ASTN1: variants seen among roughly 807,000 people sequenced by gnomAD.
ASTN1 encodes astrotactin 1, also known as astrotactin-1.
Under a neutral mutation model 140.7 loss-of-function variants are expected in ASTN1, and 41 were observed. The observed-to-expected ratio is 0.29, with a 90% CI of 0.23 to 0.38. The LOEUF (loss-of-function observed/expected upper bound fraction) is 0.38. ASTN1 is among the 10% of genes least tolerant of loss of function. The pLI, the probability that ASTN1 is intolerant of heterozygous loss-of-function variation, is 1.00. For missense variants in ASTN1, 1,479 were observed against 1,678.8 expected (o/e 0.88, Z 2.08); for synonymous variants, 640 against 652.2 (o/e 0.98, Z 0.29).
chr1:176,903,315 AT>A (rs1234966739), intron 16 of ASTN1, among the ~76,000 whole-genome samples: 1 of 151,460 alleles, frequency 6.6e-6, no homozygotes, highest in East Asian at 1.9e-4. Context: ...CTTCCCATAT[AT>A]TTTTTGAGAG....
intron 8 of ASTN1, among the ~76,000 whole-genome samples, chr1:176,977,899 G>A (rs1673434742): frequency 1.3e-5 from 2 of 152,318 alleles, no homozygotes; most frequent in South Asian, 2.1e-4. Context: ...ACTGGCTGAA[G>A]GCTAATGACT....
At chr1:176,895,716 T>C (rs982135700) in intron 16 of ASTN1, among the ~76,000 whole-genome samples, 3 of 152,224 alleles carry the variant, frequency 2.0e-5, no homozygotes, top group Admixed American at 6.5e-5. Flanking sequence ...CAGAGAATAA[T>C]GGTTTGTTCT....
chr1:176,895,129 A>T (rs564818889), intron 16 of ASTN1, among the ~76,000 whole-genome samples: 4 of 152,208 alleles, frequency 2.6e-5, no homozygotes, highest in Non-Finnish European at 5.9e-5. Context: ...AAGAATACAA[A>T]CCATAACAGT....
chr1:177,093,040 G>T (rs1407094393), intron 1 of ASTN1, among the ~76,000 whole-genome samples: 1 of 152,168 alleles, frequency 6.6e-6, no homozygotes, highest in Non-Finnish European at 1.5e-5. Context: ...CACGACACTA[G>T]AATATAAGCT....
At chr1:177,014,916 G>A (rs1675470389) in intron 7 of ASTN1, 41 bp from the exon 8 acceptor site, 1 of 1,533,268 alleles carries the variant, frequency 6.5e-7, no homozygotes, top group Non-Finnish European at 9.0e-7. Flanking sequence ...AAACATGAAG[G>A]AATTGATTAA....
At chr1:177,019,164 C>T (rs1018319223) in intron 7 of ASTN1, among the ~76,000 whole-genome samples, 2 of 152,148 alleles carry the variant, frequency 1.3e-5, no homozygotes, top group African/African-American at 4.8e-5. Flanking sequence ...CCAGCTAGGT[C>T]ATTAACTAGG....
intron 8 of ASTN1, among the ~76,000 whole-genome samples, chr1:176,975,000 G>A (rs1299095637): frequency 6.6e-6 from 1 of 152,206 alleles, no homozygotes. Flanking sequence ...AGAGGGAGAA[G>A]GGCTAGCTGC....
At chr1:177,017,652 C>T (rs1007308739) in intron 7 of ASTN1, among the ~76,000 whole-genome samples, 1 of 152,178 alleles carries the variant, frequency 6.6e-6, no homozygotes, top group Non-Finnish European at 1.5e-5. Flanking sequence ...ACATAGGACT[C>T]CAACGGAGAG....
intron 1 of ASTN1, among the ~76,000 whole-genome samples, chr1:177,121,319 T>C (rs556854797): frequency 3.3e-5 from 5 of 152,202 alleles, no homozygotes; most frequent in South Asian, 4.2e-4. Flanking sequence ...ATGATCCATT[T>C]TCTGTTTGCT....
chr1:177,117,615 C>A (rs370824887), intron 1 of ASTN1, among the ~76,000 whole-genome samples: 9 of 152,150 alleles, frequency 5.9e-5, no homozygotes, highest in African/African-American at 9.7e-5. Context: ...CACTTCCCAC[C>A]CACCCCCTAA....
Position 177,042,088 on chromosome 1 carries a change from C to A in ASTN1, c.472-9239G>T, listed in dbSNP as rs190011411. ...ATATTCATCAGTATCACTATCTGAA[C>A]CAGGGAAGACCCTGAAGATCCATTT... On this transcript the variant is annotated intron_variant, in intron 2 of 22. Coordinates refer to ENST00000361833, the MANE Select transcript of ASTN1 (RefSeq NM_004319.3). Among the ~76,000 whole-genome samples the A allele has an allele frequency of 4.5e-3, 681 of 152,344 alleles. 5 individuals carry two copies. Among genetic ancestry groups the A allele is most frequent in the Middle Eastern group, 0.024 (7 of 292 alleles).
At chr1:176,942,866 A>ATATATATATATATT (rs1385017638) in intron 14 of ASTN1, among the ~76,000 whole-genome samples, 944 of 69,942 alleles carry the variant, frequency 0.013, 306 homozygotes, top group Middle Eastern at 0.028. Context: ...ATATATATAT[A>ATATATATATATATT]GATTGATGTC....
intron 20 of ASTN1, among the ~76,000 whole-genome samples, chr1:176,877,644 A>G (rs12124454): frequency 0.16 from 23,726 of 152,250 alleles, 2,486 homozygotes; most frequent in Middle Eastern, 0.25. Flanking sequence ...TCTGAACACA[A>G]CCATGGCAAT....
At chr1:176,954,001 C>A (rs769457376) in intron 11 of ASTN1, among the ~76,000 whole-genome samples, 11 of 152,100 alleles carry the variant, frequency 7.2e-5, no homozygotes, top group Non-Finnish European at 1.2e-4. Context: ...TTATATGAAA[C>A]CTCAATAGAT....
At chr1:176,940,996 T>C (rs1671691149) in intron 14 of ASTN1, among the ~76,000 whole-genome samples, 1 of 152,202 alleles carries the variant, frequency 6.6e-6, no homozygotes, top group Non-Finnish European at 1.5e-5. Flanking sequence ...TGTTTATGAA[T>C]GGAGCTCTGA....
At chr1:176,976,291 C>G (rs1460375193) in intron 8 of ASTN1, 1 of 152,202 alleles carries the variant, frequency 6.6e-6, no homozygotes, top group Non-Finnish European at 1.5e-5. Context: ...GTGACACACA[C>G]TGACAAACAC....
chr1:177,091,212 T>G (rs1334806734), intron 1 of ASTN1, among the ~76,000 whole-genome samples: 1 of 152,190 alleles, frequency 6.6e-6, no homozygotes, highest in African/African-American at 2.4e-5. Flanking sequence ...CTCAAAAAAG[T>G]GATGTTAATT....
At chr1:177,015,828 A>G (rs1675519291) in intron 7 of ASTN1, among the ~76,000 whole-genome samples, 1 of 152,198 alleles carries the variant, frequency 6.6e-6, no homozygotes, top group African/African-American at 2.4e-5. Flanking sequence ...CATTATGTTA[A>G]TAATTCTTTA....
At chr1:177,164,325 C>T in intron 1 of ASTN1, 69 bp downstream of exon 1, 3 of 1,407,270 alleles carry the variant, frequency 2.1e-6, no homozygotes, top group East Asian at 5.0e-5. Flanking sequence ...GTGTGTAGAG[C>T]GAGCTGGAGT....
Sources: allele counts gnomAD v4.1 joint callset (sites outside exome capture counted in the v4.1 genomes callset), GRCh38; gene constraint gnomAD v4.1.1; transcripts MANE v1.5; gene names NCBI Gene and HGNC (gene_info 2026-07-23, HGNC 2026-07-21).